The following USP6NL variants were observed in gnomAD, a reference collection of about 807,000 sequenced individuals.
The protein encoded by USP6NL is USP6 N-terminal-like protein.
USP6NL carries 26 observed loss-of-function variants against 61.9 expected under a neutral mutation model. The ratio of observed to expected loss-of-function variants is 0.42; its 90% CI spans 0.31 to 0.58. The LOEUF is 0.58. Ranked by LOEUF, USP6NL falls within the 20% of genes least tolerant of loss-of-function variation. The probability of loss-of-function intolerance (pLI) is 0.16; values close to 1 mark genes in which losing one functional copy is unlikely to be tolerated. For missense variants in USP6NL, 1,114 were observed against 1,034.3 expected (o/e 1.08, Z -1.06); for synonymous variants, 432 against 390.1 (o/e 1.11, Z -1.27).
intron 2 of USP6NL, among the ~76,000 whole-genome samples, chr10:11,576,916 A>G (rs1409547813): frequency 6.6e-6 from 1 of 152,220 alleles, no homozygotes. Flanking sequence ...ATTTAATTTG[A>G]ATTTCATTGG....
At chr10:11,590,554 T>TA (rs1218145105) in intron 2 of USP6NL, among the ~76,000 whole-genome samples, 3 of 152,172 alleles carry the variant, frequency 2.0e-5, no homozygotes, top group Non-Finnish European at 4.4e-5. Context: ...TAAAAAATAC[T>TA]AAAAATCATA....
rs2096212841 is a variant in USP6NL, at chr10:11,461,145, C to T, written c.*1296G>A. The T allele has an allele frequency of 6.6e-6, 1 of 152,530 alleles. No homozygotes were observed. The highest frequency in any genetic ancestry group is 1.5e-5 in the Non-Finnish European group (1 of 68,022). The allele number at this position is 152,530 out of a possible 1,614,324, so 9.4% of individuals were successfully genotyped here. On this transcript the variant is annotated 3_prime_UTR_variant, in exon 15 of 15. Coordinates refer to ENST00000609104, the MANE Select transcript of USP6NL (RefSeq NM_014688.5). Reference sequence around the variant, plus strand: ...GTTGAAAACAAGCTCCCCAATTAAACACGAAGTCATACTCTCTTGGAGTGC... The same window carrying T: ...GTTGAAAACAAGCTCCCCAATTAAATACGAAGTCATACTCTCTTGGAGTGC...
rs1835698463 is a variant in USP6NL, at chr10:11,532,475, A to G, written c.5-4908T>C. Among the ~76,000 whole-genome samples the G allele has an allele frequency of 6.6e-6, 1 of 152,216 alleles. No homozygotes were observed. The highest frequency in any genetic ancestry group is 1.5e-5 in the Non-Finnish European group (1 of 68,034). ...ACACAGACTATATATTTTCAAACAA[A>G]GCTGATCATTGTTGAGGGTGAAAAC... On this transcript the variant is annotated intron_variant, in intron 2 of 14. Coordinates refer to ENST00000609104, the MANE Select transcript of USP6NL (RefSeq NM_014688.5). The surrounding 1 kb of genome is among the most constrained non-coding windows in gnomAD (Gnocchi z 4.1).
chr10:11,525,296 AATTAT>A lies in USP6NL; in HGVS notation c.155+85_155+89del, dbSNP rs988377404. 9 of 1,042,002 alleles carry A rather than the reference AATTAT, an allele frequency of 8.6e-6. No homozygotes were observed. The Admixed American group carries it at 2.3e-4, about 26-fold the overall frequency. The allele number at this position is 1,042,002 out of a possible 1,614,324, so 64.5% of individuals were successfully genotyped here. ...TGTAAGACTATTCCTTATTCACAGCAATTATATTAAAAATAAAGAAAATCAATATA... is the reference window on the plus strand; with the variant it reads ...TGTAAGACTATTCCTTATTCACAGCAATTAAAAATAAAGAAAATCAATATA... On this transcript the variant is annotated intron_variant, in intron 4 of 14. Transcript: ENST00000609104. This position sits in a 1 kb window ranked among gnomAD's most constrained non-coding sequence, Gnocchi z 5.0.
Position 11,561,172 on chromosome 10 carries a change from T to C in USP6NL, c.5-33605A>G, listed in dbSNP as rs965622967. 2.0e-5 allele frequency among the ~76,000 whole-genome samples: 3 copies of C among 152,218 alleles called. No homozygotes were observed. The highest frequency in any genetic ancestry group is 2.9e-5 in the Non-Finnish European group (2 of 68,028). On this transcript the variant is annotated intron_variant, in intron 2 of 14. Transcript: ENST00000609104. This position sits in a 1 kb window ranked among gnomAD's most constrained non-coding sequence, Gnocchi z 4.1. ...ATCCAGAATAGCTAAAATATGTTTG[T>C]GCTTTATACATCCAAAAAAAATAAC...
At chr10:11,577,754 G>GC (rs1473507604) in intron 2 of USP6NL, among the ~76,000 whole-genome samples, 1 of 151,148 alleles carries the variant, frequency 6.6e-6, no homozygotes, top group East Asian at 2.0e-4. Flanking sequence ...GCCTGCCTCG[G>GC]CCCCCCAAAG....
chr10:11,525,388 TAAAAAGCCAA>T lies in USP6NL; in HGVS notation c.143_152del (p.Phe48TyrfsTer28). The T allele has an allele frequency of 6.3e-7, 1 of 1,598,538 alleles. No homozygotes were observed. The highest frequency in any genetic ancestry group is 8.5e-7 in the Non-Finnish European group (1 of 1,176,174). ...AGCTTTCAATCTATGTGACTTACTG[TAAAAAGCCAA>T]ATCTATCTGTGACTTTGTAAACAAG... is the stretch of plus-strand genomic sequence containing the variant. On this transcript the variant is annotated frameshift_variant, in exon 4 of 15. Transcript: ENST00000609104. LOFTEE classifies it high-confidence loss of function. The surrounding 1 kb of genome is among the most constrained non-coding windows in gnomAD (Gnocchi z 5.0).
rs1231852755 is a variant in USP6NL, at chr10:11,575,644, T to G, written c.4+21987A>C. On this transcript the variant is annotated intron_variant, in intron 2 of 14. Transcript: ENST00000609104. The surrounding 1 kb of genome is among the most constrained non-coding windows in gnomAD (Gnocchi z 4.2). ...AATGAAAATCACATAGCAATCACTT[T>G]GAACACATTGGTTCACTACTGTCAA... Among the ~76,000 whole-genome samples, 2 of 152,234 alleles carry G rather than the reference T, an allele frequency of 1.3e-5. No homozygotes were observed. Among genetic ancestry groups the G allele is most frequent in the Non-Finnish European group, 2.9e-5 (2 of 68,036 alleles).
intron 2 of USP6NL, among the ~76,000 whole-genome samples, chr10:11,555,451 T>TATATATATATATAGAG (rs1427219382): frequency 4.9e-5 from 3 of 61,004 alleles, no homozygotes; most frequent in Non-Finnish European, 8.0e-5. Context: ...TATATATATA[T>TATATATATATATAGAG]AGAGAGAGAG....
chr10:11,521,721 T>C (rs1343551388), intron 4 of USP6NL, among the ~76,000 whole-genome samples: 1 of 149,076 alleles, frequency 6.7e-6, no homozygotes, highest in South Asian at 2.1e-4. Flanking sequence ...ATTCTGCATA[T>C]CATATACAGT....
rs909435887 is a variant in USP6NL, at chr10:11,521,627, G to A, written c.156-3053C>T. Among the ~76,000 whole-genome samples the A allele has an allele frequency of 7.9e-5, 12 of 152,090 alleles. No homozygotes were observed. In the East Asian group the frequency reaches 1.5e-3, roughly 20 times the overall value. ...GAACTCCTCATCTCGTGATCCGCCC[G>A]CCTGGGCCTCCCAAAGTGCTGGGAT... On this transcript the variant is annotated intron_variant, in intron 4 of 14. Transcript: ENST00000609104.
rs2096224945 is a variant in USP6NL at position 11,463,268 on chromosome 10, C to T, written c.1660G>A (p.Val554Met). The change falls in exon 15 of 15, where the codon GTG (valine) becomes ATG (methionine). Residue 554 changes from valine to methionine, a missense_variant. Transcript: ENST00000609104. The surrounding 1 kb of genome is among the most constrained non-coding windows in gnomAD (Gnocchi z 6.3). Reference protein sequence around the residue: ...RGSTASQYDNVPGPELDSGAS... With the variant: ...RGSTASQYDNMPGPELDSGAS... ...CCGCTGTCCAGCTCCGGGCCTGGCA[C>T]GTTGTCGTACTGCGATGCAGTGGAG... 1 of 1,613,806 alleles carries T rather than the reference C, an allele frequency of 6.2e-7. No individual in the cohort carries two copies. The highest frequency in any genetic ancestry group is 8.5e-7 in the Non-Finnish European group (1 of 1,179,894).
chr10:11,556,318 T>C lies in USP6NL; in HGVS notation c.5-28751A>G, dbSNP rs187757104. On this transcript the variant is annotated intron_variant, in intron 2 of 14. Coordinates refer to ENST00000609104, the MANE Select transcript of USP6NL (RefSeq NM_014688.5). ...AAATGATTTATAACAGGTATGAGAA[T>C]ACATAATAAAAACTATTTTAATAAT... 1.1e-3 allele frequency among the ~76,000 whole-genome samples: 162 copies of C among 152,234 alleles called. 1 individual carries two copies. Among genetic ancestry groups the C allele is most frequent in the Non-Finnish European group, 5.7e-4 (39 of 68,000 alleles).
chr10:11,605,125 C>T (rs1838663521), intron 1 of USP6NL, among the ~76,000 whole-genome samples: 1 of 152,150 alleles, frequency 6.6e-6, no homozygotes, highest in South Asian at 2.1e-4. Flanking sequence ...AGCCACCATC[C>T]GAAGAGAAGA....
chr10:11,579,039 C>T (rs1837651069), intron 2 of USP6NL, among the ~76,000 whole-genome samples: 1 of 152,208 alleles, frequency 6.6e-6, no homozygotes, highest in African/African-American at 2.4e-5. Context: ...ACCAGCACAA[C>T]ACTGGATGCA....
In USP6NL at chr10:11,502,150, T is replaced by C. The variant is rs534894966; in HGVS notation, c.277-942A>G. On this transcript the variant is annotated intron_variant, in intron 6 of 14. Coordinates refer to ENST00000609104, the MANE Select transcript of USP6NL (RefSeq NM_014688.5). ...GGTGGGTGCCTGTAGTCCCAGCTAC[T>C]CGGGAGGCTGAGGCAGGAGAATGGC... Among the ~76,000 whole-genome samples the C allele has an allele frequency of 2.7e-3, 403 of 151,686 alleles. 2 individuals carry two copies. The highest frequency in any genetic ancestry group is 0.017 in the Middle Eastern group (5 of 294).
At chr10:11,550,617 G>A (rs992879169) in intron 2 of USP6NL, among the ~76,000 whole-genome samples, 3 of 151,930 alleles carry the variant, frequency 2.0e-5, no homozygotes, top group Non-Finnish European at 2.9e-5. Flanking sequence ...TTAGCCGGGC[G>A]TGGTGGCACA....
chr10:11,495,737 T>C lies in USP6NL; in HGVS notation c.385-2509A>G, dbSNP rs542719125. Among the ~76,000 whole-genome samples, 1 of 152,270 alleles carries C rather than the reference T, an allele frequency of 6.6e-6. No individual in the cohort carries two copies. Among genetic ancestry groups the C allele is most frequent in the African/African-American group, 2.4e-5 (1 of 41,582 alleles). On this transcript the variant is annotated intron_variant, in intron 7 of 14. Transcript: ENST00000609104. This position sits in a 1 kb window ranked among gnomAD's most constrained non-coding sequence, Gnocchi z 4.6. ...AAAAATAGTTTTTTAGATTCTCTTC[T>C]TTACACTATAATCTGTTTCTTACAA...
At chr10:11,582,807 C>T (rs1178823787) in intron 2 of USP6NL, among the ~76,000 whole-genome samples, 3 of 151,724 alleles carry the variant, frequency 2.0e-5, no homozygotes, top group Admixed American at 1.3e-4. Flanking sequence ...TTCACAAACA[C>T]GGGAAATAAA....
Sources: gnomAD v4.1 joint callset for allele counts (sites outside exome capture counted in the v4.1 genomes callset) on GRCh38, gnomAD v4.1.1 for gene constraint, Gnocchi (gnomAD v3.1) non-coding constraint, MANE v1.5 for transcripts, NCBI Gene and HGNC (gene_info 2026-07-23, HGNC 2026-07-21) for gene names.